POLR2H: variants seen among roughly 807,000 people sequenced by gnomAD.
POLR2H encodes DNA-directed RNA polymerases I, II, and III subunit RPABC3.
POLR2H carries 3 observed loss-of-function variants against 18.1 expected under a neutral mutation model. The observed-to-expected ratio is 0.17, with a 90% confidence interval of 0.08 to 0.43. POLR2H has a LOEUF of 0.43. Ranked by LOEUF, POLR2H falls within the 20% of genes least tolerant of loss-of-function variation. The pLI is 0.99. For synonymous variants in POLR2H, 76 were observed against 69.0 expected (o/e 1.10, Z -0.50); for missense variants, 103 against 184.6 (o/e 0.56, Z 2.56).
intron 2 of POLR2H, chr3:184,364,373 CAT>C: frequency 6.6e-6 from 1 of 152,320 alleles, no homozygotes; most frequent in Non-Finnish European, 1.5e-5. Context: ...GGATTACAGG[CAT>C]GCGCCACCAC....
rs755244732 is a variant in POLR2H at position 184,364,994 on chromosome 3, T to C, written c.102T>C (p.Ser34=). 4 of 1,612,328 alleles carry C rather than the reference T, an allele frequency of 2.5e-6. No homozygotes were observed. The South Asian group carries it at 4.4e-5, about 18-fold the overall frequency. ...CTCGACTGCATTGTGAGAGTGAATC[T>C]TTCAAGATGGATCTAATCTTAGATG... is the stretch of plus-strand genomic sequence containing the variant. The part of the protein sequence containing the change: ...RVSRLHCESE[S]FKMDLILDVN... Residue 34 remains serine (S), a synonymous_variant, in exon 3 of 6, where the codon TCT becomes TCC. Coordinates refer to ENST00000456318, the MANE Select transcript of POLR2H (RefSeq NM_006232.5).
intron 4 of POLR2H, among the ~76,000 whole-genome samples, chr3:184,366,252 G>A (rs1048447377): frequency 6.6e-6 from 1 of 151,886 alleles, no homozygotes; most frequent in Non-Finnish European, 1.5e-5. Context: ...GTCATGCCTA[G>A]CTCATGGGGT....
At chr3:184,364,240 T>C (rs1249836020) in intron 2 of POLR2H, among the ~76,000 whole-genome samples, 1 of 152,086 alleles carries the variant, frequency 6.6e-6, no homozygotes, top group East Asian at 1.9e-4. Flanking sequence ...ATATACCTTT[T>C]TTTTTTTGAG....
intron 4 of POLR2H, 35 bp from the exon 5 acceptor site, chr3:184,366,682 C>A: frequency 8.3e-7 from 1 of 1,205,208 alleles, no homozygotes; most frequent in Non-Finnish European, 1.2e-6. Flanking sequence ...TTGTTAATTA[C>A]TGTTAAGAAT....
intron 5 of POLR2H, 158 bp from the exon 6 acceptor site, chr3:184,368,019 G>A (rs1000955646): frequency 5.7e-6 from 6 of 1,045,904 alleles, no homozygotes; most frequent in Non-Finnish European, 1.4e-6. Context: ...GGCTGAGATG[G>A]AACAGTGCCT....
At position 184,363,583 on chromosome 3, in the gene POLR2H, G is replaced by T. The variant is rs41559914; in HGVS notation, c.73+18G>T. The T allele has an allele frequency of 0.064, 103,331 of 1,606,822 alleles. 3,663 individuals carry two copies. The highest frequency in any genetic ancestry group is 0.13 in the East Asian group (5,867 of 44,792). On this transcript the variant is annotated intron_variant, in intron 2 of 5. Transcript: ENST00000456318. The stretch of plus-strand genomic sequence containing the variant: ...TGACCGAGGTAAGTAAGGTATGTAG[G>T]GGCGGTTTGGAGGAAGAGGCTAACC...
rs1357896898 is a variant in POLR2H, at chr3:184,361,859, G to A, written c.-908G>A. On this transcript the variant is annotated 5_prime_UTR_variant, in exon 1 of 6. In the 5' UTR this introduces an upstream ATG that the reference lacks. Transcript: ENST00000456318. This position sits in a 1 kb window ranked among gnomAD's most constrained non-coding sequence, Gnocchi z 6.6. ...CCGGGAGGGGCGGGTCTACTGGCAC[G>A]TGGAGGGGCCGGCCCGGGTTCGCGG... is the stretch of plus-strand genomic sequence containing the variant. 6.5e-6 allele frequency: 1 copy of A among 152,908 alleles called. No individual in the cohort carries two copies. The highest frequency in any genetic ancestry group is 1.5e-5 in the Non-Finnish European group (1 of 68,506). The allele number at this position is 152,908 out of a possible 1,614,324, so 9.5% of individuals were successfully genotyped here.
intron 4 of POLR2H, 26 bp from the exon 5 acceptor site, chr3:184,366,691 A>G (rs370381755): frequency 1.5e-6 from 2 of 1,333,644 alleles, no homozygotes; most frequent in Non-Finnish European, 2.2e-6. Context: ...ACTGTTAAGA[A>G]TAACTTTGCT....
Position 184,362,339 on chromosome 3 carries a change from T to TGG in POLR2H, c.-621+197_-621+198dup, listed in dbSNP as rs1712285420. ...AGTCGCTGCTTCCATCCCTCCGCTT[T>TGG]GGGGGAACTGCCTGCTGGTGTTCTG... On this transcript the variant is annotated intron_variant, in intron 1 of 5. Transcript: ENST00000456318. This position sits in a 1 kb window ranked among gnomAD's most constrained non-coding sequence, Gnocchi z 5.9. The TGG allele has an allele frequency of 6.6e-6, 1 of 152,288 alleles. No individual in the cohort carries two copies. Among genetic ancestry groups the TGG allele is most frequent in the Non-Finnish European group, 1.5e-5 (1 of 68,234 alleles). The allele number at this position is 152,288 out of a possible 1,614,324, so 9.4% of individuals were successfully genotyped here.
intron 5 of POLR2H, 91 bp downstream of exon 5, chr3:184,366,891 C>A: frequency 1.3e-6 from 1 of 770,718 alleles, no homozygotes; most frequent in Non-Finnish European, 2.3e-6. Context: ...AGTCCCTCTC[C>A]TCAGGCACCT....
At chr3:184,365,093 T>G in intron 3 of POLR2H, 40 bp from the exon 4 acceptor site, 1 of 1,582,774 alleles carries the variant, frequency 6.3e-7, no homozygotes, top group Non-Finnish European at 8.7e-7. Flanking sequence ...TTTTGCTGCT[T>G]CTGCTATTCT....
chr3:184,363,453 G>T lies in POLR2H; in HGVS notation c.-40G>T, dbSNP rs368388971. On this transcript the variant is annotated 5_prime_UTR_variant, in exon 2 of 6. Transcript: ENST00000456318. Reference sequence around the variant, plus strand: ...GGTGCACGTACTCCCAACTGTGGTCGCGCTCTCACCCCTTCTGCTGCTCTC... The same window carrying T: ...GGTGCACGTACTCCCAACTGTGGTCTCGCTCTCACCCCTTCTGCTGCTCTC... 2.8e-4 allele frequency: 440 copies of T among 1,554,516 alleles called. 1 individual carries two copies. The highest frequency in any genetic ancestry group is 3.8e-4 in the Non-Finnish European group (425 of 1,126,662).
At position 184,365,163 on chromosome 3, in the gene POLR2H, C is replaced by G. The variant is rs150472493; in HGVS notation, c.188C>G (p.Thr63Ser). Residue 63 changes from threonine (T) to serine (S), a missense_variant, in exon 4 of 6, where the codon ACC becomes AGC. Thr to Ser is a moderately conservative substitution (Grantham distance 58, BLOSUM62 1). Coordinates refer to ENST00000456318, the MANE Select transcript of POLR2H (RefSeq NM_006232.5). ...GDKFRLVIAS[T>S]LYEDGTLDDG... ...AAGTTTCGGTTGGTCATAGCTAGTA[C>G]CTTGTATGAAGATGGTACCCTGGAT... 5.6e-6 allele frequency: 9 copies of G among 1,613,270 alleles called. No homozygotes were observed. The highest frequency in any genetic ancestry group is 7.6e-6 in the Non-Finnish European group (9 of 1,179,352).
At position 184,363,391 on chromosome 3, in the gene POLR2H, G is replaced by A. The variant is rs934548030; in HGVS notation, c.-102G>A. 5.2e-6 allele frequency: 5 copies of A among 965,360 alleles called. No individual in the cohort carries two copies. Among genetic ancestry groups the A allele is most frequent in the African/African-American group, 4.8e-5 (3 of 62,880 alleles). The allele number at this position is 965,360 out of a possible 1,614,324, so 59.8% of individuals were successfully genotyped here. A position where few individuals can be genotyped will look rare whatever the true frequency, so the allele number is the denominator to read the frequency against. ...CGTCTGGCCGCCGCGCTTTCAGGAG[G>A]TGCTTTTGGTTCTCTCCGGTCTTGT... On this transcript the variant is annotated 5_prime_UTR_variant, in exon 2 of 6. In the 5' UTR this introduces an upstream ATG that the reference lacks. Transcript: ENST00000456318.
At chr3:184,367,525 T>C (rs151312526) in intron 5 of POLR2H, among the ~76,000 whole-genome samples, 25 of 151,798 alleles carry the variant, frequency 1.6e-4, no homozygotes, top group Non-Finnish European at 3.1e-4. Flanking sequence ...CTTGCTGTGT[T>C]GCCCAGCCTG....
rs975144360 is a variant in POLR2H, at chr3:184,361,764, C to T, written c.-1003C>T. 5.9e-6 allele frequency: 1 copy of T among 169,698 alleles called. No homozygotes were observed. The highest frequency in any genetic ancestry group is 1.2e-5 in the Non-Finnish European group (1 of 80,024). The allele number at this position is 169,698 out of a possible 1,614,324, so 10.5% of individuals were successfully genotyped here. A position where few individuals can be genotyped will look rare whatever the true frequency, so the allele number is the denominator to read the frequency against. On this transcript the variant is annotated 5_prime_UTR_variant, in exon 1 of 6. Transcript: ENST00000456318. This position sits in a 1 kb window ranked among gnomAD's most constrained non-coding sequence, Gnocchi z 6.6. ...GGTCCGCGCGGGGCCTCCCGAGAGG[C>T]GGCAAGGGGCGCTGGGAAGGCGCAA...
chr3:184,367,794 TA>T lies in POLR2H; in HGVS notation c.336-380del, dbSNP rs140936845. ...TGTGAGCCACCGTGCCCGGCCGGTG[TA>T]AAGCTTTTCTTAAACGTTTCAATAG... is the stretch of plus-strand genomic sequence containing the variant. On this transcript the variant is annotated intron_variant, in intron 5 of 5. Transcript: ENST00000456318. Among the ~76,000 whole-genome samples the T allele has an allele frequency of 5.6e-3, 847 of 152,292 alleles. 7 individuals carry two copies. The highest frequency in any genetic ancestry group is 0.019 in the African/African-American group (769 of 41,546).
Position 184,368,583 on chromosome 3 carries a change from T to C in POLR2H, c.*289T>C, listed in dbSNP as rs545064717. On this transcript the variant is annotated 3_prime_UTR_variant, in exon 6 of 6. Transcript: ENST00000456318. ...AAAAAGTCCATTTACTGTAAAATCGTTTTTTCCAGTTTGTCTGTGGTGTAT... is the reference window on the plus strand; with the variant it reads ...AAAAAGTCCATTTACTGTAAAATCGCTTTTTCCAGTTTGTCTGTGGTGTAT... 3.2e-5 allele frequency: 9 copies of C among 279,676 alleles called. 1 individual carries two copies. In the South Asian group the frequency reaches 8.8e-4, roughly 27 times the overall value. The allele number at this position is 279,676 out of a possible 1,614,324, so 17.3% of individuals were successfully genotyped here. A position where few individuals can be genotyped will look rare whatever the true frequency, so the allele number is the denominator to read the frequency against.
In POLR2H at chr3:184,363,394, C is replaced by G. The variant is rs373656442; in HGVS notation, c.-99C>G. ...CTGGCCGCCGCGCTTTCAGGAGGTG[C>G]TTTTGGTTCTCTCCGGTCTTGTCCA... On this transcript the variant is annotated 5_prime_UTR_variant, in exon 2 of 6. Transcript: ENST00000456318. The G allele has an allele frequency of 6.1e-5, 62 of 1,013,392 alleles. No individual in the cohort carries two copies. In the East Asian group the frequency reaches 1.1e-3, roughly 19 times the overall value. 62.8% of individuals were successfully genotyped at this position (1,013,392 alleles called of 1,614,324 possible).
Sources: gnomAD v4.1 joint callset for allele counts (sites outside exome capture counted in the v4.1 genomes callset) on GRCh38, gnomAD v4.1.1 for gene constraint, Gnocchi (gnomAD v3.1) non-coding constraint, MANE v1.5 for transcripts, NCBI Gene and HGNC (gene_info 2026-07-23, HGNC 2026-07-21) for gene names.